The following CSGALNACT1 variants were observed in gnomAD, a reference collection of about 807,000 sequenced individuals.
The protein encoded by CSGALNACT1 is chondroitin sulfate N-acetylgalactosaminyltransferase 1, also known as beta4GalNAcT-1.
Under a neutral mutation model 51.0 loss-of-function variants are expected in CSGALNACT1, and 52 were observed. That is an observed-to-expected ratio of 1.02 (90% CI 0.82 to 1.29). CSGALNACT1 has a LOEUF of 1.29. CSGALNACT1 is among the 50% of genes most tolerant of loss of function. The probability of loss-of-function intolerance (pLI) is 0.00; values close to 1 mark genes in which losing one functional copy is unlikely to be tolerated. For synonymous variants in CSGALNACT1, 341 were observed against 254.4 expected, an observed-to-expected ratio of 1.34 and a Z score of -3.24; for missense variants, 935 against 679.2, an observed-to-expected ratio of 1.38 and a Z score of -4.19.
At chr8:19,472,343 G>T (rs150277890) in intron 4 of CSGALNACT1, among the ~76,000 whole-genome samples, 1 of 152,280 alleles carries the variant, frequency 6.6e-6, no homozygotes, top group South Asian at 2.1e-4. Context: ...AAAGACCAAG[G>T]AATGTGTGAC....
chr8:19,638,638 A>G (rs1168938524), intron 1 of CSGALNACT1, among the ~76,000 whole-genome samples: 2 of 152,194 alleles, frequency 1.3e-5, no homozygotes, highest in Non-Finnish European at 2.9e-5. Context: ...ACCCAACTGG[A>G]ATTTAAATAG....
At chr8:19,582,692 T>C (rs2045835272) in intron 3 of CSGALNACT1, among the ~76,000 whole-genome samples, 1 of 152,112 alleles carries the variant, frequency 6.6e-6, no homozygotes, top group Non-Finnish European at 1.5e-5. Context: ...TTAGAGATGC[T>C]ACAGACTTTT....
chr8:19,635,327 C>CA (rs2055887298), intron 1 of CSGALNACT1, among the ~76,000 whole-genome samples: 1 of 152,216 alleles, frequency 6.6e-6, no homozygotes, highest in Non-Finnish European at 1.5e-5. Context: ...CCAACTTCCT[C>CA]AGTGTCTACT....
intron 3 of CSGALNACT1, among the ~76,000 whole-genome samples, chr8:19,586,883 G>A (rs955150385): frequency 5.9e-5 from 9 of 152,158 alleles, no homozygotes; most frequent in African/African-American, 2.2e-4. Context: ...CCATTACATA[G>A]TATTTTCCCA....
intron 3 of CSGALNACT1, among the ~76,000 whole-genome samples, chr8:19,507,286 G>A (rs1340332625): frequency 6.6e-6 from 1 of 152,064 alleles, no homozygotes; most frequent in African/African-American, 2.4e-5. Flanking sequence ...TGTCTATGAG[G>A]AATTCTGTGT....
intron 3 of CSGALNACT1, among the ~76,000 whole-genome samples, chr8:19,561,105 T>A (rs1451222894): frequency 6.6e-6 from 1 of 151,468 alleles, no homozygotes; most frequent in Non-Finnish European, 1.5e-5. Context: ...ATCAAAAGAG[T>A]GGTGAGATTT....
intron 5 of CSGALNACT1, among the ~76,000 whole-genome samples, chr8:19,456,681 T>C (rs1303549875): frequency 1.3e-5 from 2 of 152,090 alleles, no homozygotes; most frequent in African/African-American, 4.8e-5. Flanking sequence ...AGAGGAACAC[T>C]GCAAACAATT....
At chr8:19,709,729 C>T (rs999815273) in intron 1 of CSGALNACT1, among the ~76,000 whole-genome samples, 4 of 152,190 alleles carry the variant, frequency 2.6e-5, no homozygotes, top group African/African-American at 9.7e-5. Flanking sequence ...AGCCTGCCCC[C>T]CCGCCCAGAG....
At position 19,711,999 on chromosome 8, in the gene CSGALNACT1, G is replaced by A. The variant is rs61393565; in HGVS notation, c.-297+45851C>T. 4.1e-4 allele frequency among the ~76,000 whole-genome samples: 63 copies of A among 152,230 alleles called. No homozygotes were observed. The East Asian group carries it at 0.011, about 27-fold the overall frequency. ...CCCAGCATCACAGAAATAATAAGTG[G>A]TGAAGCCGGGGTTAGAACTCAGAGC... On this transcript the variant is annotated intron_variant, in intron 1 of 1. Coordinates refer to the CSGALNACT1 transcript ENST00000517494.
At chr8:19,648,426 T>C (rs1010149857) in intron 1 of CSGALNACT1, among the ~76,000 whole-genome samples, 4 of 152,232 alleles carry the variant, frequency 2.6e-5, no homozygotes, top group African/African-American at 7.2e-5. Flanking sequence ...TGACCATTTC[T>C]ACATTCAATT....
At chr8:19,533,859 A>AT (rs1422199389) in intron 3 of CSGALNACT1, among the ~76,000 whole-genome samples, 2 of 152,116 alleles carry the variant, frequency 1.3e-5, no homozygotes, top group African/African-American at 2.4e-5. Context: ...CAAAGCTTAG[A>AT]TTTTTTAAAA....
intron 1 of CSGALNACT1, among the ~76,000 whole-genome samples, chr8:19,718,805 C>G (rs2062954728): frequency 6.6e-6 from 1 of 152,222 alleles, no homozygotes; most frequent in African/African-American, 2.4e-5. Context: ...ACCCTTGCCT[C>G]TTCTGCAAGG....
At chr8:19,698,501 C>T (rs1045519105) in intron 1 of CSGALNACT1, among the ~76,000 whole-genome samples, 11 of 152,176 alleles carry the variant, frequency 7.2e-5, no homozygotes, top group African/African-American at 1.7e-4. Context: ...GAAGAGGACA[C>T]GGAGGCTCAC....
intron 5 of CSGALNACT1, among the ~76,000 whole-genome samples, chr8:19,445,889 A>G (rs532402975): frequency 6.6e-6 from 1 of 152,270 alleles, no homozygotes; most frequent in South Asian, 2.1e-4. Context: ...TAAAAAGTAA[A>G]GTAAGCTGGG....
chr8:19,726,402 T>C (rs2063404191), intron 1 of CSGALNACT1, among the ~76,000 whole-genome samples: 1 of 152,164 alleles, frequency 6.6e-6, no homozygotes, highest in South Asian at 2.1e-4. Context: ...AATGAAAAAA[T>C]ATTCATTTTT....
At chr8:19,533,908 G>A (rs1326076449) in intron 3 of CSGALNACT1, among the ~76,000 whole-genome samples, 1 of 152,064 alleles carries the variant, frequency 6.6e-6, no homozygotes, top group Non-Finnish European at 1.5e-5. Flanking sequence ...ATGAGGGGAA[G>A]AAAAAGAGAA....
At chr8:19,559,715 T>A (rs1367748353) in intron 3 of CSGALNACT1, among the ~76,000 whole-genome samples, 1 of 152,106 alleles carries the variant, frequency 6.6e-6, no homozygotes, top group African/African-American at 2.4e-5. Flanking sequence ...TATCAAAAAG[T>A]GCCTAGCAAT....
At chr8:19,685,945 G>A (rs1324881624), upstream of CSGALNACT1, among the ~76,000 whole-genome samples, 1 of 152,022 alleles carries the variant, frequency 6.6e-6, no homozygotes, top group East Asian at 1.9e-4. Flanking sequence ...GTAAAACTTG[G>A]GTAGTGCCAT....
At chr8:19,597,357 G>GT (rs1315896203) in intron 2 of CSGALNACT1, among the ~76,000 whole-genome samples, 1 of 118,442 alleles carries the variant, frequency 8.4e-6, no homozygotes, top group African/African-American at 3.2e-5. Flanking sequence ...GTGCAGTGAT[G>GT]TGATCATAGC....
Sources: allele counts gnomAD v4.1 joint callset (sites outside exome capture counted in the v4.1 genomes callset), GRCh38; gene constraint gnomAD v4.1.1; transcripts MANE v1.5; gene names NCBI Gene and HGNC (gene_info 2026-07-23, HGNC 2026-07-21).